Variants in CDKN2B-AS1 observed in about 807,000 individuals in gnomAD.
The protein encoded by CDKN2B-AS1 is CDKN2B antisense RNA 1 (non-protein coding).
At chr9:22,002,038 G>A (rs1820942695) in intron 1 of CDKN2B-AS1, among the ~76,000 whole-genome samples, 1 of 152,016 alleles carries the variant, frequency 6.6e-6, no homozygotes, top group Admixed American at 6.6e-5. Context: ...TTTCATATAT[G>A]TGTGATTGTG....
chr9:22,014,370 GC>G (rs557921784), intron 1 of CDKN2B-AS1, among the ~76,000 whole-genome samples: 164 of 151,914 alleles, frequency 1.1e-3, no homozygotes, highest in Admixed American at 2.9e-3. Flanking sequence ...TTTTGCCCAG[GC>G]TGGTCTCTAA....
chr9:22,034,777 G>C (rs1472369645), intron 1 of CDKN2B-AS1, among the ~76,000 whole-genome samples: 1 of 152,082 alleles, frequency 6.6e-6, no homozygotes, highest in Non-Finnish European at 1.5e-5. Flanking sequence ...TTGTAATAAA[G>C]ACTCACCCAT....
rs963325025 is a variant in CDKN2B-AS1, at chr9:22,000,433, A to G, written n.29+5272A>G. Among the ~76,000 whole-genome samples the G allele has an allele frequency of 1.3e-5, 2 of 152,206 alleles. No homozygotes were observed. The highest frequency in any genetic ancestry group is 1.3e-4 in the Admixed American group (2 of 15,274). On this transcript the variant is annotated intron_variant and non_coding_transcript_variant, in intron 1 of 4. Transcript: ENST00000650946. This position sits in a 1 kb window ranked among gnomAD's most constrained non-coding sequence, Gnocchi z 4.1. ...TAGTCTTACTGTGATAAGTCTAACTATCAAAGGCAGTCCAGAGATTAGCAA... is the reference window on the plus strand; with the variant it reads ...TAGTCTTACTGTGATAAGTCTAACTGTCAAAGGCAGTCCAGAGATTAGCAA...
chr9:22,013,357 A>G (rs1218930878), intron 1 of CDKN2B-AS1, among the ~76,000 whole-genome samples: 1 of 152,224 alleles, frequency 6.6e-6, no homozygotes, highest in African/African-American at 2.4e-5. Context: ...TTAAACTGTT[A>G]TTAATAATTT....
At chr9:22,049,543 C>A (rs1290686958) in intron 3 of CDKN2B-AS1, among the ~76,000 whole-genome samples, 2 of 152,162 alleles carry the variant, frequency 1.3e-5, no homozygotes, top group African/African-American at 4.8e-5. Flanking sequence ...CAAGGGGCCC[C>A]ACAGGGACTG....
At chr9:22,100,422 G>T (rs1041866451) in intron 4 of CDKN2B-AS1, among the ~76,000 whole-genome samples, 1 of 152,116 alleles carries the variant, frequency 6.6e-6, no homozygotes, top group Admixed American at 6.6e-5. Flanking sequence ...GTGGTGTTCT[G>T]TGTCTAGCTT....
chr9:22,024,780 T>G (rs1389891865), intron 1 of CDKN2B-AS1, among the ~76,000 whole-genome samples: 1 of 152,082 alleles, frequency 6.6e-6, no homozygotes, highest in Non-Finnish European at 1.5e-5. Flanking sequence ...TCAGGGGAAG[T>G]TGCAGTATGG....
At chr9:22,002,437 T>C (rs1820962254) in intron 1 of CDKN2B-AS1, among the ~76,000 whole-genome samples, 1 of 151,664 alleles carries the variant, frequency 6.6e-6, no homozygotes, top group Admixed American at 6.6e-5. Context: ...TATGTTTTAC[T>C]GTTTAAAATA....
intron 3 of CDKN2B-AS1, among the ~76,000 whole-genome samples, chr9:22,055,449 A>C (rs903478701): frequency 6.6e-6 from 1 of 152,216 alleles, no homozygotes; most frequent in Non-Finnish European, 1.5e-5. Flanking sequence ...ATCTGGGAGA[A>C]AAATTAGTTT....
intron 4 of CDKN2B-AS1, chr9:22,058,345 T>G (rs1823661717): frequency 6.6e-6 from 1 of 152,202 alleles, no homozygotes; most frequent in African/African-American, 2.4e-5. Flanking sequence ...TCCCTTACAT[T>G]CATTTCTTCT....
At chr9:22,113,282 T>A (rs970421152) in intron 4 of CDKN2B-AS1, among the ~76,000 whole-genome samples, 1 of 152,162 alleles carries the variant, frequency 6.6e-6, no homozygotes, top group Non-Finnish European at 1.5e-5. Flanking sequence ...ATCCATATGA[T>A]CCCCTCCATC....
intron 1 of CDKN2B-AS1, among the ~76,000 whole-genome samples, chr9:22,041,595 A>G (rs1044267074): frequency 6.6e-6 from 1 of 152,064 alleles, no homozygotes; most frequent in Non-Finnish European, 1.5e-5. Flanking sequence ...TCTGTTGTAA[A>G]TGGAAAGAGT....
rs779064195 is a variant in CDKN2B-AS1, at chr9:22,006,304, G to A, written n.29+11143G>A. On this transcript the variant is annotated intron_variant and non_coding_transcript_variant, in intron 1 of 4. Coordinates refer to ENST00000650946, the Ensembl canonical transcript of CDKN2B-AS1. The surrounding 1 kb of genome is among the most constrained non-coding windows in gnomAD (Gnocchi z 6.4). ...GGTGGGGGCAGGTATGGGAGATGCC[G>A]GCCGGGGCAAGGCAGGTGGAGCCAT... is the stretch of plus-strand genomic sequence containing the variant. 4 of 1,596,422 alleles carry A rather than the reference G, an allele frequency of 2.5e-6. No homozygotes were observed. The highest frequency in any genetic ancestry group is 1.1e-5 in the South Asian group (1 of 90,780).
At chr9:22,020,650 A>T (rs1004012997) in intron 1 of CDKN2B-AS1, among the ~76,000 whole-genome samples, 1 of 152,124 alleles carries the variant, frequency 6.6e-6, no homozygotes, top group African/African-American at 2.4e-5. Flanking sequence ...GCTTTTCTTC[A>T]TATGATTGTT....
chr9:22,065,139 G>C (rs1823984921), intron 4 of CDKN2B-AS1, among the ~76,000 whole-genome samples: 1 of 152,156 alleles, frequency 6.6e-6, no homozygotes, highest in Non-Finnish European at 1.5e-5. Context: ...GTTTTGATGT[G>C]GACTGGCATT....
In CDKN2B-AS1 at chr9:22,091,230, T is replaced by C. The variant is rs538494043; in HGVS notation, n.438+34843T>C. ...TACCATGCTGTTTTGGTTACTGTAG[T>C]CTTGTAGTATAGTTTGAAGTCAGGT... On this transcript the variant is annotated intron_variant and non_coding_transcript_variant, in intron 4 of 4. Coordinates refer to ENST00000650946, the Ensembl canonical transcript of CDKN2B-AS1. 4.8e-3 allele frequency among the ~76,000 whole-genome samples: 725 copies of C among 152,078 alleles called. 10 individuals are homozygous for C. The highest frequency in any genetic ancestry group is 0.017 in the African/African-American group (687 of 41,504).
At chr9:22,050,624 T>C (rs973907140) in intron 3 of CDKN2B-AS1, among the ~76,000 whole-genome samples, 1 of 152,206 alleles carries the variant, frequency 6.6e-6, no homozygotes, top group Non-Finnish European at 1.5e-5. Flanking sequence ...AGAGCAGTGA[T>C]TGCTTTGGCT....
intron 4 of CDKN2B-AS1, among the ~76,000 whole-genome samples, chr9:22,075,764 G>A (rs1046210288): frequency 2.6e-4 from 39 of 152,318 alleles, no homozygotes; most frequent in Admixed American, 6.5e-4. Flanking sequence ...GGACACCTAA[G>A]GGACAACCGT....
At chr9:22,009,519 C>G (rs1304063496) in intron 1 of CDKN2B-AS1, among the ~76,000 whole-genome samples, 1 of 152,268 alleles carries the variant, frequency 6.6e-6, no homozygotes, top group African/African-American at 2.4e-5. Context: ...CTGCACTGCT[C>G]GCTGGATGTC....
Sources: allele counts gnomAD v4.1 joint callset (sites outside exome capture counted in the v4.1 genomes callset), GRCh38; gene constraint gnomAD v4.1.1; non-coding constraint Gnocchi (gnomAD v3.1); transcripts MANE v1.5; gene names NCBI Gene and HGNC (gene_info 2026-07-23, HGNC 2026-07-21).